The following PTPRM variants were observed in gnomAD, a reference collection of about 807,000 sequenced individuals.
The protein encoded by PTPRM is protein tyrosine phosphatase receptor type M.
PTPRM carries 47 observed loss-of-function variants against 186.7 expected under a neutral mutation model. That is an observed-to-expected ratio of 0.25 (90% CI 0.20 to 0.32). The LOEUF is 0.32. PTPRM is among the 10% of genes least tolerant of loss of function. The pLI, the probability that PTPRM is intolerant of heterozygous loss-of-function variation, is 1.00. For synonymous variants in PTPRM, 668 were observed against 674.9 expected, an observed-to-expected ratio of 0.99 and a Z score of 0.16; for missense variants, 1,494 against 1,865.0, an observed-to-expected ratio of 0.80 and a Z score of 3.66.
intron 5 of PTPRM, among the ~76,000 whole-genome samples, chr18:7,939,463 T>C (rs1426668523): frequency 6.6e-6 from 1 of 152,272 alleles, no homozygotes; most frequent in Non-Finnish European, 1.5e-5. Context: ...TTAGAAGTCC[T>C]AGAGTTAGTC....
At chr18:8,044,927 C>T (rs1336592894) in intron 7 of PTPRM, among the ~76,000 whole-genome samples, 1 of 152,008 alleles carries the variant, frequency 6.6e-6, no homozygotes, top group Non-Finnish European at 1.5e-5. Context: ...ATAATACACC[C>T]ACTTCATAAA....
intron 1 of PTPRM, among the ~76,000 whole-genome samples, chr18:7,615,754 C>T (rs1475119590): frequency 2.0e-5 from 3 of 151,980 alleles, no homozygotes; most frequent in Admixed American, 6.6e-5. Context: ...TTTATTGTGC[C>T]CTTTATTCCT....
intron 19 of PTPRM, among the ~76,000 whole-genome samples, chr18:8,272,376 A>G (rs2094783572): frequency 6.6e-6 from 1 of 152,032 alleles, no homozygotes; most frequent in African/African-American, 2.4e-5. Context: ...ATGAGGTGCT[A>G]AACACATTAA....
chr18:8,381,875 T>G (rs1345928745), intron 29 of PTPRM, among the ~76,000 whole-genome samples: 1 of 152,214 alleles, frequency 6.6e-6, no homozygotes, highest in Non-Finnish European at 1.5e-5. Context: ...AATCCTGAAA[T>G]GTGGAGATAT....
chr18:7,702,255 G>A (rs1206971882), intron 1 of PTPRM, among the ~76,000 whole-genome samples: 1 of 152,136 alleles, frequency 6.6e-6, no homozygotes, highest in Non-Finnish European at 1.5e-5. Flanking sequence ...AAATCCTTGA[G>A]GAATCGCCAC....
chr18:7,659,278 G>A (rs2038925748), intron 1 of PTPRM, among the ~76,000 whole-genome samples: 1 of 151,936 alleles, frequency 6.6e-6, no homozygotes, highest in African/African-American at 2.4e-5. Context: ...GAATCCCTCT[G>A]CTCTGTATTC....
chr18:8,052,459 A>G (rs2087575913), intron 7 of PTPRM, among the ~76,000 whole-genome samples: 1 of 152,190 alleles, frequency 6.6e-6, no homozygotes, highest in Non-Finnish European at 1.5e-5. Flanking sequence ...ACAACATTCA[A>G]TACAGAAACA....
intron 23 of PTPRM, among the ~76,000 whole-genome samples, chr18:8,359,730 A>G (rs2095585210): frequency 6.6e-6 from 1 of 152,254 alleles, no homozygotes. Flanking sequence ...GTTCCAGCAC[A>G]TTCCTACCTG....
chr18:8,230,297 A>G (rs1370767239), intron 14 of PTPRM, among the ~76,000 whole-genome samples: 1 of 152,168 alleles, frequency 6.6e-6, no homozygotes, highest in African/African-American at 2.4e-5. Flanking sequence ...TGTGTGCCAT[A>G]GTTTGTTGTC....
At chr18:8,186,942 ATT>A (rs538870155) in intron 14 of PTPRM, among the ~76,000 whole-genome samples, 26,774 of 143,544 alleles carry the variant, frequency 0.19, 4,212 homozygotes, top group African/African-American at 0.44. Context: ...CCTTGGGAAG[ATT>A]TTTTTTTTTT....
intron 2 of PTPRM, among the ~76,000 whole-genome samples, chr18:7,829,448 C>T (rs950696295): frequency 1.5e-4 from 23 of 152,150 alleles, no homozygotes; most frequent in African/African-American, 5.6e-4. Context: ...AGATTACTAA[C>T]TTAAAGTGAC....
chr18:8,157,845 G>T (rs576925725), intron 14 of PTPRM, among the ~76,000 whole-genome samples: 1 of 152,178 alleles, frequency 6.6e-6, no homozygotes, highest in East Asian at 1.9e-4. Context: ...AGACCCAGAC[G>T]CAGCAAGGTG....
intron 1 of PTPRM, among the ~76,000 whole-genome samples, chr18:7,766,055 C>T (rs2042001170): frequency 6.6e-6 from 1 of 152,154 alleles, no homozygotes; most frequent in Admixed American, 6.5e-5. Context: ...CTTTCGAGAG[C>T]TTATTTACAA....
chr18:7,659,384 G>C (rs1330146674), intron 1 of PTPRM, among the ~76,000 whole-genome samples: 2 of 152,100 alleles, frequency 1.3e-5, no homozygotes, highest in East Asian at 3.9e-4. Context: ...ATGGTGGCCA[G>C]CCTGCCCACA....
In PTPRM at chr18:7,734,271, C is replaced by G. The variant is rs543568464; in HGVS notation, c.74-39878C>G. Among the ~76,000 whole-genome samples, 9 of 152,122 alleles carry G rather than the reference C, an allele frequency of 5.9e-5. No individual in the cohort carries two copies. The South Asian group carries it at 1.7e-3, about 28-fold the overall frequency. ...GCAGTGGAGTGTGGAGGAGGATCTA[C>G]AGGAAAAGAAGGAACATGATGGTAC... On this transcript the variant is annotated intron_variant, in intron 1 of 32. Transcript: ENST00000580170.
At chr18:7,627,096 C>G (rs2038080599) in intron 1 of PTPRM, among the ~76,000 whole-genome samples, 1 of 152,114 alleles carries the variant, frequency 6.6e-6, no homozygotes, top group African/African-American at 2.4e-5. Flanking sequence ...TCTGGGATGA[C>G]TCACACTGAA....
chr18:7,718,790 G>T (rs995830940), intron 1 of PTPRM, among the ~76,000 whole-genome samples: 1 of 151,894 alleles, frequency 6.6e-6, no homozygotes, highest in South Asian at 2.1e-4. Flanking sequence ...TACAAACAAC[G>T]AACAAACATA....
At chr18:7,588,079 T>C (rs1269956031) in intron 1 of PTPRM, among the ~76,000 whole-genome samples, 1 of 152,302 alleles carries the variant, frequency 6.6e-6, no homozygotes, top group East Asian at 1.9e-4. Flanking sequence ...TGTTTCTTAT[T>C]AGTCTATAGG....
chr18:7,653,025 C>G (rs976002677), intron 1 of PTPRM, among the ~76,000 whole-genome samples: 1 of 151,614 alleles, frequency 6.6e-6, no homozygotes, highest in African/African-American at 2.4e-5. Context: ...GATACCTCAT[C>G]AAAGAAAATG....
Sources: gnomAD v4.1 joint callset for allele counts (sites outside exome capture counted in the v4.1 genomes callset) on GRCh38, gnomAD v4.1.1 for gene constraint, MANE v1.5 for transcripts, NCBI Gene and HGNC (gene_info 2026-07-23, HGNC 2026-07-21) for gene names.